The following EPB41L1 variants were observed in gnomAD, a reference collection of about 807,000 sequenced individuals.
EPB41L1 encodes erythrocyte membrane protein band 4.1 like 1.
A neutral mutation model predicts 97.8 loss-of-function variants in EPB41L1; 29 were observed. The observed-to-expected ratio is 0.30, with a 90% CI of 0.22 to 0.40. The LOEUF (loss-of-function observed/expected upper bound fraction) is 0.40. EPB41L1 is among the 10% of genes least tolerant of loss of function. The pLI, the probability that EPB41L1 is intolerant of heterozygous loss-of-function variation, is 1.00. For missense variants in EPB41L1, 812 were observed against 1,162.3 expected, an observed-to-expected ratio of 0.70 and a Z score of 4.38; for synonymous variants, 383 against 459.2, an observed-to-expected ratio of 0.83 and a Z score of 2.12.
intron 1 of EPB41L1, among the ~76,000 whole-genome samples, chr20:36,096,700 G>C (rs1254602925): frequency 6.6e-6 from 1 of 152,168 alleles, no homozygotes; most frequent in Non-Finnish European, 1.5e-5. Context: ...TGTCTCACAG[G>C]GCTTGTGAGA....
intron 17 of EPB41L1, among the ~76,000 whole-genome samples, chr20:36,216,621 C>T (rs1325847142): frequency 6.6e-6 from 1 of 152,248 alleles, no homozygotes; most frequent in Non-Finnish European, 1.5e-5. Context: ...TTCTCTCTCT[C>T]TCCTTCCTTC....
intron 2 of EPB41L1, among the ~76,000 whole-genome samples, chr20:36,130,657 C>T (rs767643685): frequency 6.6e-6 from 1 of 152,202 alleles, no homozygotes; most frequent in Non-Finnish European, 1.5e-5. Context: ...GGGTAAAAGG[C>T]TGTGGCTGCC....
At chr20:36,228,619 G>T (rs1238804114) in intron 21 of EPB41L1, among the ~76,000 whole-genome samples, 1 of 152,218 alleles carries the variant, frequency 6.6e-6, no homozygotes, top group Non-Finnish European at 1.5e-5. Context: ...ACTCACCCAA[G>T]ATTACAGAGC....
At chr20:36,128,359 C>T (rs77052090) in intron 2 of EPB41L1, among the ~76,000 whole-genome samples, 200 of 152,216 alleles carry the variant, frequency 1.3e-3, no homozygotes, top group African/African-American at 4.0e-3. Context: ...TGCCCCAGGC[C>T]GGGCCTTAGA....
At position 36,190,719 on chromosome 20, in the gene EPB41L1, G is replaced by A. The variant is rs978010310; in HGVS notation, c.1222G>A (p.Ala408Thr). 1.9e-6 allele frequency: 3 copies of A among 1,614,130 alleles called. No homozygotes were observed. Among genetic ancestry groups the A allele is most frequent in the East Asian group, 2.2e-5 (1 of 44,870 alleles). Residue 408 changes from alanine to threonine, a missense_variant, in exon 11 of 22, where the codon GCC (alanine) becomes ACC (threonine). Around this residue, in one of 3 missense-constraint regions of EPB41L1, gnomAD observed 230 missense variants for 445.2 expected, o/e 0.52. Transcript: ENST00000338074. The surrounding 1 kb of genome is among the most constrained non-coding windows in gnomAD (Gnocchi z 5.8). ...RTQAQTRQASALIDRPAPFFE... is the reference protein window; with the variant it reads ...RTQAQTRQASTLIDRPAPFFE... The stretch of plus-strand genomic sequence containing the variant: ...CCAGGCACAGACTCGCCAGGCCAGC[G>A]CCCTCATTGACCGGCCTGCACCCTT...
chr20:36,132,301 AG>A lies in EPB41L1; in HGVS notation c.-10+19823del, dbSNP rs2059240716. ...CTCACCTGGCCTTTTCCAGCTCTCCAGGCCACCCACATGCCTTGGTTCATGG... is the reference window on the plus strand; with the variant it reads ...CTCACCTGGCCTTTTCCAGCTCTCCAGCCACCCACATGCCTTGGTTCATGG... On this transcript the variant is annotated intron_variant, in intron 2 of 19. Coordinates refer to the EPB41L1 transcript ENST00000202028. 3.3e-5 allele frequency among the ~76,000 whole-genome samples: 5 copies of A among 152,174 alleles called. No individual in the cohort carries two copies. The South Asian group carries it at 1.0e-3, about 32-fold the overall frequency.
chr20:36,101,973 C>T (rs1227978792), intron 1 of EPB41L1, among the ~76,000 whole-genome samples: 1 of 151,798 alleles, frequency 6.6e-6, no homozygotes, highest in Non-Finnish European at 1.5e-5. Context: ...CCATTGCACT[C>T]CAGCCTGTGT....
intron 2 of EPB41L1, among the ~76,000 whole-genome samples, chr20:36,126,246 GC>G (rs1385405754): frequency 1.3e-5 from 2 of 152,176 alleles, no homozygotes; most frequent in African/African-American, 4.8e-5. Context: ...TGGCAGCTTG[GC>G]CTCCTTTGGT....
rs922849554 is a variant in EPB41L1 at position 36,205,846 on chromosome 20, C to T, written c.1669-3642C>T. On this transcript the variant is annotated intron_variant, in intron 14 of 21. Coordinates refer to ENST00000338074, the MANE Select transcript of EPB41L1 (RefSeq NM_012156.2). The stretch of plus-strand genomic sequence containing the variant: ...AACTCTTCTTGCTCCAATTGAAACA[C>T]AGGGTTCAGAGCATTGGGTATTTAT... 16 of 1,278,240 alleles carry T rather than the reference C, an allele frequency of 1.3e-5. No homozygotes were observed. The Admixed American group carries it at 3.8e-4, about 30-fold the overall frequency. 79.2% of individuals were successfully genotyped at this position (1,278,240 alleles called of 1,614,324 possible). A position where few individuals can be genotyped will look rare whatever the true frequency, so the allele number is the denominator to read the frequency against.
Position 36,207,872 on chromosome 20 carries a change from T to A in EPB41L1, c.1669-1616T>A. On this transcript the variant is annotated intron_variant, in intron 14 of 21. Transcript: ENST00000338074. This position sits in a 1 kb window ranked among gnomAD's most constrained non-coding sequence, Gnocchi z 4.9. ...TGTAGTTTTTAGAAGCATGTTTCAG[T>A]GGCCCCTCGTCATTTCTGCAATCAG... 1 of 1,180,672 alleles carries A rather than the reference T, an allele frequency of 8.5e-7. No homozygotes were observed. The highest frequency in any genetic ancestry group is 1.1e-6 in the Non-Finnish European group (1 of 926,046). 73.1% of individuals were successfully genotyped at this position (1,180,672 alleles called of 1,614,324 possible). A position where few individuals can be genotyped will look rare whatever the true frequency, so the allele number is the denominator to read the frequency against.
chr20:36,221,909 A>G lies in EPB41L1; in HGVS notation c.2485A>G (p.Ile829Val), dbSNP rs373997865. The G allele has an allele frequency of 6.8e-6, 11 of 1,614,072 alleles. No individual in the cohort carries two copies. The African/African-American group carries it at 1.2e-4, about 18-fold the overall frequency. Residue 829 changes from isoleucine (I) to valine (V), a missense_variant, in exon 20 of 22, where the codon ATC (isoleucine) becomes GTC (valine). Ile to Val is a conservative substitution (Grantham distance 29). This residue lies in a region of EPB41L1 where 498 missense variants were observed against 622.7 expected (regional missense o/e 0.80). Transcript: ENST00000338074. ...TGAGACAAGGATCGAGAAGCGAATC[A>G]TCATTACTGGGGATGAAGATGTCGA... ...FSETRIEKRI[I>V]ITGDEDVDQD...
chr20:36,151,792 G>A (rs766243107), upstream of EPB41L1: 13 of 152,316 alleles, frequency 8.5e-5, no homozygotes, highest in Non-Finnish European at 1.9e-4. Flanking sequence ...CCCACTCTGA[G>A]CCTCAGCCTG....
upstream of EPB41L1, among the ~76,000 whole-genome samples, chr20:36,154,272 T>A (rs969367375): frequency 1.9e-4 from 29 of 151,888 alleles, 1 homozygote; most frequent in Admixed American, 1.9e-3. The surrounding 1 kb of genome is among the most constrained non-coding windows in gnomAD (Gnocchi z 5.5). Context: ...TGAGGCTGAG[T>A]CACCCCTTCT....
rs1241472399 is a variant in EPB41L1 at position 36,231,751 on chromosome 20, CCT to C, written c.*2412_*2413del. 7.2e-5 allele frequency: 11 copies of C among 152,678 alleles called. No individual in the cohort carries two copies. The highest frequency in any genetic ancestry group is 2.7e-4 in the African/African-American group (11 of 41,464). 9.5% of individuals were successfully genotyped at this position (152,678 alleles called of 1,614,324 possible). On this transcript the variant is annotated 3_prime_UTR_variant, in exon 22 of 22. Transcript: ENST00000338074. ...GGCCGGTGGGTCCACTCCAACTCCC[CCT>C]GAGTGTAGCAGCACACTTTCCATAC...
chr20:36,177,922 G>T (rs1271736544), intron 3 of EPB41L1, 30 bp from the exon 4 acceptor site: 2 of 1,585,960 alleles, frequency 1.3e-6, no homozygotes, highest in Non-Finnish European at 1.7e-6. Flanking sequence ...GTGTGCTTCA[G>T]CCTCATAGCT....
At chr20:36,182,251 C>T (rs2061501681) in intron 5 of EPB41L1, 21 bp from the exon 6 acceptor site, 2 of 1,612,568 alleles carry the variant, frequency 1.2e-6, no homozygotes, top group Non-Finnish European at 1.7e-6. Flanking sequence ...CCTCGCTGAT[C>T]TCTCTCCCAT....
At position 36,107,517 on chromosome 20, in the gene EPB41L1, CT is replaced by C. The variant is rs35325837; in HGVS notation, c.-64-4892del. 7.1e-3 allele frequency among the ~76,000 whole-genome samples: 940 copies of C among 132,284 alleles called. 3 individuals carry two copies. The highest frequency in any genetic ancestry group is 0.014 in the African/African-American group (519 of 36,206). 86.8% of individuals were successfully genotyped at this position (132,284 alleles called of 152,430 possible). A position where few individuals can be genotyped will look rare whatever the true frequency, so the allele number is the denominator to read the frequency against. On this transcript the variant is annotated intron_variant, in intron 1 of 19. Transcript: ENST00000202028. ...TACAGGTGTGAGCCACCGTGCCCGG[CT>C]TTTTTTTTTTTTTTTTAAATCATAA...
intron 2 of EPB41L1, among the ~76,000 whole-genome samples, chr20:36,125,043 A>C (rs2058906219): frequency 6.6e-6 from 1 of 152,118 alleles, no homozygotes; most frequent in Non-Finnish European, 1.5e-5. Flanking sequence ...GCTGGAAGTC[A>C]TTGCTGGGCC....
rs75198106 is a variant in EPB41L1, at chr20:36,146,863, G to A, written c.-9-28688G>A. Among the ~76,000 whole-genome samples the A allele has an allele frequency of 7.9e-5, 12 of 151,820 alleles. No homozygotes were observed. In the East Asian group the frequency reaches 2.3e-3, roughly 29 times the overall value. On this transcript the variant is annotated intron_variant, in intron 2 of 19. Coordinates refer to the EPB41L1 transcript ENST00000202028. ...CTGTTGAAAAGAAAAAAAAAAAAAG[G>A]AGGTCAGGTGCAGTGGGTCATGCCT...
Sources: gnomAD v4.1 joint callset for allele counts (sites outside exome capture counted in the v4.1 genomes callset) on GRCh38, gnomAD v4.1.1 for gene constraint, gnomAD v4.1.1 regional missense constraint, Gnocchi (gnomAD v3.1) non-coding constraint, MANE v1.5 for transcripts, NCBI Gene and HGNC (gene_info 2026-07-23, HGNC 2026-07-21) for gene names.